Variants in RP1 observed in about 807,000 individuals in gnomAD.
RP1 encodes the protein RP1 axonemal microtubule associated.
RP1 carries 16 observed loss-of-function variants against 14.8 expected under a neutral mutation model. That is an observed-to-expected ratio of 1.08 (90% CI 0.73 to 1.65). The LOEUF (loss-of-function observed/expected upper bound fraction) is 1.65. Among genes scored for constraint, RP1 ranks in the 40% most tolerant of loss-of-function variants. The probability of loss-of-function intolerance (pLI) is 0.00; values close to 1 mark genes in which losing one functional copy is unlikely to be tolerated. For missense variants in RP1, 2,631 were observed against 2,535.0 expected (o/e 1.04, Z -0.81); for synonymous variants, 876 against 883.6 (o/e 0.99, Z 0.15).
chr8:54,668,821 G>A (rs1161044333), intron 7 of RP1, among the ~76,000 whole-genome samples: 1 of 151,942 alleles, frequency 6.6e-6, no homozygotes, highest in Non-Finnish European at 1.5e-5. Context: ...CTGGCTAGCT[G>A]AAACTGTAGA....
chr8:54,780,502 T>C (rs528776010), intron 23 of RP1, among the ~76,000 whole-genome samples: 1 of 152,328 alleles, frequency 6.6e-6, no homozygotes, highest in African/African-American at 2.4e-5. Flanking sequence ...TTCCAATTGT[T>C]GGCCTACATT....
intron 24 of RP1, among the ~76,000 whole-genome samples, chr8:54,809,056 TTTC>T: frequency 6.6e-6 from 1 of 152,228 alleles, no homozygotes. Flanking sequence ...ATGCAAATAA[TTTC>T]ACTTGGCACT....
chr8:54,818,418 A>G (rs933033025), intron 24 of RP1, among the ~76,000 whole-genome samples: 2 of 152,236 alleles, frequency 1.3e-5, no homozygotes, highest in Non-Finnish European at 2.9e-5. Flanking sequence ...CTATTTCATA[A>G]AAACCTATCA....
At chr8:54,694,178 C>T (rs977887570) in intron 12 of RP1, among the ~76,000 whole-genome samples, 4 of 152,144 alleles carry the variant, frequency 2.6e-5, no homozygotes, top group Non-Finnish European at 4.4e-5. Flanking sequence ...CCCACTTGAT[C>T]ATAGTGGATA....
intron 17 of RP1, among the ~76,000 whole-genome samples, chr8:54,729,591 C>T (rs1392142282): frequency 3.9e-5 from 6 of 152,062 alleles, no homozygotes; most frequent in African/African-American, 1.4e-4. Context: ...TATCAACTTA[C>T]TACTCCCCCA....
exon 23 of RP1, chr8:54,769,851 C>A: frequency 1.6e-6 from 2 of 1,280,912 alleles, no homozygotes; most frequent in Non-Finnish European, 2.2e-6. Context: ...GATTTTGTTA[C>A]ATCTGGACAT....
chr8:54,698,353 G>T (rs1302080486), intron 12 of RP1, among the ~76,000 whole-genome samples: 3 of 152,208 alleles, frequency 2.0e-5, no homozygotes, highest in African/African-American at 4.8e-5. Context: ...CCTCCAGCCA[G>T]TTAGAATGAC....
At chr8:54,666,000 T>C (rs1807008854) in intron 7 of RP1, among the ~76,000 whole-genome samples, 1 of 152,060 alleles carries the variant, frequency 6.6e-6, no homozygotes, top group Non-Finnish European at 1.5e-5. Context: ...CTTCATTCTC[T>C]GTGGTCCCTG....
intron 17 of RP1, among the ~76,000 whole-genome samples, chr8:54,732,810 T>C (rs1808825328): frequency 1.3e-5 from 2 of 152,162 alleles, no homozygotes; most frequent in South Asian, 4.1e-4. Context: ...TAAAATTTTG[T>C]TGGACCAATT....
chr8:54,673,943 C>A (rs757364562), intron 8 of RP1: 217 of 1,520,876 alleles, frequency 1.4e-4, no homozygotes, highest in Non-Finnish European at 1.8e-4. Flanking sequence ...GACTCTTCCA[C>A]AGAGAGTTCA....
At chr8:54,768,865 G>T (rs1809830868) in intron 22 of RP1, among the ~76,000 whole-genome samples, 1 of 151,166 alleles carries the variant, frequency 6.6e-6, no homozygotes, top group Non-Finnish European at 1.5e-5. Context: ...TTTCCAGCAT[G>T]ATAATATTTT....
intron 3 of RP1, among the ~76,000 whole-genome samples, chr8:54,622,774 T>G (rs1289157109): frequency 2.6e-5 from 4 of 152,220 alleles, no homozygotes; most frequent in Non-Finnish European, 5.9e-5. Flanking sequence ...TTTTATTTAT[T>G]AAATAAAAGG....
chr8:54,607,731 G>T (rs1027185342), intron 1 of RP1, among the ~76,000 whole-genome samples: 1 of 152,134 alleles, frequency 6.6e-6, no homozygotes, highest in African/African-American at 2.4e-5. Context: ...ACCTACTCAA[G>T]CCTCGGCAAC....
chr8:54,727,705 G>T (rs1808691382), intron 17 of RP1, among the ~76,000 whole-genome samples: 1 of 151,838 alleles, frequency 6.6e-6, no homozygotes, highest in East Asian at 1.9e-4. Context: ...TGAATTGTGT[G>T]CCCATTAAAT....
chr8:54,629,528 T>A lies in RP1; in HGVS notation c.5646T>A (p.Ser1882=). The A allele has an allele frequency of 6.2e-7, 1 of 1,614,134 alleles. No homozygotes were observed. The highest frequency in any genetic ancestry group is 8.5e-7 in the Non-Finnish European group (1 of 1,180,004). ...ISAGNKVYPV[S]DDAIKNQPLP... is the part of the protein sequence containing the mutation. ...CTGGTAACAAAGTCTACCCTGTCTC[T>A]GATGATGCTATTAAAAACCAACCAT... The change falls in exon 4 of 4, where the codon TCT becomes TCA. Residue 1882 remains serine (S), a synonymous_variant. Transcript: ENST00000220676.
intron 24 of RP1, among the ~76,000 whole-genome samples, chr8:54,825,954 G>A (rs765266071): frequency 3.3e-5 from 5 of 151,984 alleles, no homozygotes; most frequent in Non-Finnish European, 5.9e-5. Context: ...TGTAGTCCTC[G>A]TTACTTGGGA....
chr8:54,753,586 A>C (rs1044896576), intron 19 of RP1, among the ~76,000 whole-genome samples: 2 of 152,192 alleles, frequency 1.3e-5, no homozygotes, highest in Non-Finnish European at 2.9e-5. Context: ...CTGGTATGAG[A>C]GGGAATGTGG....
intron 12 of RP1, among the ~76,000 whole-genome samples, chr8:54,690,391 C>T (rs2129339118): frequency 6.6e-6 from 1 of 152,138 alleles, no homozygotes; most frequent in South Asian, 2.1e-4. Context: ...TTTTCTACTG[C>T]CCAGTTCTTA....
At chr8:54,814,034 T>G (rs1338279799) in intron 24 of RP1, among the ~76,000 whole-genome samples, 4 of 152,176 alleles carry the variant, frequency 2.6e-5, no homozygotes, top group Admixed American at 1.3e-4. Flanking sequence ...CTCATATGGC[T>G]CCAGTAAGGA....
Sources: gnomAD v4.1 joint callset for allele counts (sites outside exome capture counted in the v4.1 genomes callset) on GRCh38, gnomAD v4.1.1 for gene constraint, MANE v1.5 for transcripts, NCBI Gene and HGNC (gene_info 2026-07-23, HGNC 2026-07-21) for gene names.